The following SERINC2 variants were observed in gnomAD, a reference collection of about 807,000 sequenced individuals.
The protein encoded by SERINC2 is serine incorporator 2.
In SERINC2, 56 loss-of-function variants were observed where a neutral mutation model predicts 54.2. That is an observed-to-expected ratio of 1.03 (90% CI 0.83 to 1.29). SERINC2 has a LOEUF of 1.29. Ranked by LOEUF, SERINC2 falls within the 50% of genes most tolerant of loss-of-function variation. SERINC2 has a pLI of 0.00. For missense variants in SERINC2, 614 were observed against 607.4 expected (o/e 1.01, Z -0.12); for synonymous variants, 272 against 253.1 (o/e 1.07, Z -0.71).
chr1:31,413,350 G>C lies in SERINC2; in HGVS notation c.39+46G>C. On this transcript the variant is annotated intron_variant, in intron 1 of 9. Transcript: ENST00000373709. The surrounding 1 kb of genome is among the most constrained non-coding windows in gnomAD (Gnocchi z 5.0). ...CCGCCCGCGCGCGCCGCCCGTTCCT[G>C]CTGCGGGCCCTCACTTTCTTCTGTT... 9.5e-7 allele frequency: 1 copy of C among 1,053,100 alleles called. No individual in the cohort carries two copies. Among genetic ancestry groups the C allele is most frequent in the Non-Finnish European group, 1.2e-6 (1 of 821,938 alleles). 65.2% of individuals were successfully genotyped at this position (1,053,100 alleles called of 1,614,324 possible).
intron 1 of SERINC2, chr1:31,414,590 C>G: frequency 1.0e-6 from 1 of 985,208 alleles, no homozygotes; most frequent in South Asian, 4.7e-5. Flanking sequence ...CTCATTAGGC[C>G]TCCATTTTTC....
chr1:31,415,933 T>C (rs1640770433), intron 1 of SERINC2: 3 of 984,042 alleles, frequency 3.0e-6, no homozygotes, highest in African/African-American at 1.8e-5. Flanking sequence ...GATGGGGAGG[T>C]AAGATGGGTC....
chr1:31,432,100 G>C (rs1641285023), intron 8 of SERINC2, among the ~76,000 whole-genome samples: 26 of 130,780 alleles, frequency 2.0e-4, no homozygotes, highest in Non-Finnish European at 2.1e-4. Context: ...GGACAGGGTG[G>C]ACAGGGTGGA....
At chr1:31,421,670 C>T (rs1056844200) in intron 1 of SERINC2, among the ~76,000 whole-genome samples, 1 of 152,184 alleles carries the variant, frequency 6.6e-6, no homozygotes, top group Non-Finnish European at 1.5e-5. Context: ...AGCAAGGGGC[C>T]CCTGCCAGCC....
chr1:31,413,329 C>T lies in SERINC2; in HGVS notation c.39+25C>T. ...CGTGAGTCCCGACCCCGGCGCCCGC[C>T]CGCGCGCGCCGCCCGTTCCTGCTGC... On this transcript the variant is annotated intron_variant, in intron 1 of 9. Coordinates refer to ENST00000373709, the MANE Select transcript of SERINC2 (RefSeq NM_178865.5). This position sits in a 1 kb window ranked among gnomAD's most constrained non-coding sequence, Gnocchi z 5.0. The T allele has an allele frequency of 8.2e-7, 1 of 1,212,618 alleles. No homozygotes were observed. Among genetic ancestry groups the T allele is most frequent in the Non-Finnish European group, 1.0e-6 (1 of 963,580 alleles). The allele number at this position is 1,212,618 out of a possible 1,614,324, so 75.1% of individuals were successfully genotyped here. A position where few individuals can be genotyped will look rare whatever the true frequency, so the allele number is the denominator to read the frequency against.
chr1:31,415,195 C>T (rs1472543780), intron 1 of SERINC2, among the ~76,000 whole-genome samples: 1 of 152,224 alleles, frequency 6.6e-6, no homozygotes, highest in African/African-American at 2.4e-5. Flanking sequence ...CTGGTCCAGG[C>T]TTCTGCCCAC....
chr1:31,422,313 A>C lies in SERINC2; in HGVS notation c.40-1380A>C, dbSNP rs543945307. Among the ~76,000 whole-genome samples the C allele has an allele frequency of 1.1e-4, 16 of 143,598 alleles. No individual in the cohort carries two copies. In the East Asian group the frequency reaches 2.3e-3, roughly 20 times the overall value. The allele number at this position is 143,598 out of a possible 152,430, so 94.2% of individuals were successfully genotyped here. The stretch of plus-strand genomic sequence containing the variant: ...GACCCTGTCTCAAAAAAAAAAAAAC[A>C]AAAAAAGAAGAAAAGAAGAAAACCC... On this transcript the variant is annotated intron_variant, in intron 1 of 9. Coordinates refer to ENST00000373709, the MANE Select transcript of SERINC2 (RefSeq NM_178865.5).
chr1:31,432,860 G>A, intron 8 of SERINC2, 107 bp from the exon 9 acceptor site: 1 of 807,630 alleles, frequency 1.2e-6, no homozygotes, highest in South Asian at 1.7e-5. Context: ...TAACTCCCAG[G>A]CCCAGTAACC....
chr1:31,420,739 G>C (rs1640884460), intron 1 of SERINC2, among the ~76,000 whole-genome samples: 1 of 152,128 alleles, frequency 6.6e-6, no homozygotes, highest in Non-Finnish European at 1.5e-5. Flanking sequence ...TTTCCCATTT[G>C]AAAATGGAAA....
At chr1:31,414,673 C>G (rs1156640020) in intron 1 of SERINC2, 1 of 985,294 alleles carries the variant, frequency 1.0e-6, no homozygotes, top group Non-Finnish European at 1.2e-6. Flanking sequence ...CCCTCCCAGC[C>G]CAAAGAATTC....
At position 31,413,344 on chromosome 1, in the gene SERINC2, G is replaced by C; in HGVS notation, c.39+40G>C. The C allele has an allele frequency of 1.8e-6, 2 of 1,121,982 alleles. No individual in the cohort carries two copies. Among genetic ancestry groups the C allele is most frequent in the East Asian group, 3.3e-5 (1 of 30,768 alleles). The allele number at this position is 1,121,982 out of a possible 1,614,324, so 69.5% of individuals were successfully genotyped here. A position where few individuals can be genotyped will look rare whatever the true frequency, so the allele number is the denominator to read the frequency against. On this transcript the variant is annotated intron_variant, in intron 1 of 9. Transcript: ENST00000373709. The surrounding 1 kb of genome is among the most constrained non-coding windows in gnomAD (Gnocchi z 5.0). ...CGGCGCCCGCCCGCGCGCGCCGCCC[G>C]TTCCTGCTGCGGGCCCTCACTTTCT...
rs147315837 is a variant in SERINC2, at chr1:31,425,850, C to T, written c.547C>T (p.His183Tyr). The change falls in exon 5 of 10, where the codon CAC (histidine) becomes TAC (tyrosine). Residue 183 changes from histidine (H) to tyrosine (Y), a missense_variant. Physicochemically the swap from His to Tyr is moderately conservative, Grantham distance 83 (BLOSUM62 2). Transcript: ENST00000373709. Reference protein sequence around the residue: ...IQLVLLIDFAHSWNQRWLGKA... With the variant: ...IQLVLLIDFAYSWNQRWLGKA... ...GCTGGTGCTGCTCATCGACTTTGCG[C>T]ACTCCTGGAACCAGCGGTGGCTGGG... is the stretch of plus-strand genomic sequence containing the variant. The T allele has an allele frequency of 2.1e-4, 342 of 1,613,608 alleles. No individual in the cohort carries two copies. The highest frequency in any genetic ancestry group is 2.5e-4 in the Non-Finnish European group (297 of 1,179,972).
At chr1:31,419,191 T>C (rs376974370) in intron 1 of SERINC2, among the ~76,000 whole-genome samples, 3 of 152,180 alleles carry the variant, frequency 2.0e-5, no homozygotes, top group East Asian at 1.9e-4. Context: ...CACTGCATCA[T>C]GAGCATTATT....
Position 31,413,879 on chromosome 1 carries a change from G to A in SERINC2, c.39+575G>A. 6 of 1,447,702 alleles carry A rather than the reference G, an allele frequency of 4.1e-6. No individual in the cohort carries two copies. Among genetic ancestry groups the A allele is most frequent in the South Asian group, 2.9e-5 (2 of 70,160 alleles). 89.7% of individuals were successfully genotyped at this position (1,447,702 alleles called of 1,614,324 possible). A position where few individuals can be genotyped will look rare whatever the true frequency, so the allele number is the denominator to read the frequency against. On this transcript the variant is annotated intron_variant, in intron 1 of 9. Transcript: ENST00000373709. The surrounding 1 kb of genome is among the most constrained non-coding windows in gnomAD (Gnocchi z 5.0). ...TGTCTTTGTCCGTCTGCTGTCTTCT[G>A]TCCGTCTGCCCGTCCGCCCGTCCGT...
At chr1:31,432,871 G>A (rs756920550) in intron 8 of SERINC2, 96 bp from the exon 9 acceptor site, 467 of 905,366 alleles carry the variant, frequency 5.2e-4, no homozygotes, top group Non-Finnish European at 6.7e-4. Flanking sequence ...CCCAGTAACC[G>A]GGTCGCTGGC....
Position 31,413,448 on chromosome 1 carries a change from C to G in SERINC2, c.39+144C>G, listed in dbSNP as rs1222316350. ...TGGGCCGGTGCCCCGCCTGCTCGCCCTCCTGGACCTTCACTCGGCACCCGG... is the reference window on the plus strand; with the variant it reads ...TGGGCCGGTGCCCCGCCTGCTCGCCGTCCTGGACCTTCACTCGGCACCCGG... On this transcript the variant is annotated intron_variant, in intron 1 of 9. Transcript: ENST00000373709. The surrounding 1 kb of genome is among the most constrained non-coding windows in gnomAD (Gnocchi z 5.0). 2.6e-6 allele frequency: 1 copy of G among 387,746 alleles called. No homozygotes were observed. Among genetic ancestry groups the G allele is most frequent in the East Asian group, 4.8e-5 (1 of 20,838 alleles). The allele number at this position is 387,746 out of a possible 1,614,324, so 24.0% of individuals were successfully genotyped here.
intron 1 of SERINC2, chr1:31,414,250 C>T (rs1553131884): frequency 7.5e-7 from 1 of 1,338,330 alleles, no homozygotes; most frequent in African/African-American, 1.5e-5. Flanking sequence ...GAGGCCCGTT[C>T]TCCCTTCCCT....
At chr1:31,423,542 T>C in intron 1 of SERINC2, 151 bp from the exon 2 acceptor site, 1 of 772,088 alleles carries the variant, frequency 1.3e-6, no homozygotes, top group Non-Finnish European at 2.0e-6. Context: ...CCAGCCTCCC[T>C]CTCGGACCTG....
At chr1:31,419,456 A>G (rs1475416455) in intron 1 of SERINC2, among the ~76,000 whole-genome samples, 4 of 152,348 alleles carry the variant, frequency 2.6e-5, no homozygotes, top group African/African-American at 9.6e-5. Flanking sequence ...AGTGTTACCT[A>G]CATATTTGCC....
Sources: gnomAD v4.1 joint callset for allele counts (sites outside exome capture counted in the v4.1 genomes callset) on GRCh38, gnomAD v4.1.1 for gene constraint, Gnocchi (gnomAD v3.1) non-coding constraint, MANE v1.5 for transcripts, NCBI Gene and HGNC (gene_info 2026-07-23, HGNC 2026-07-21) for gene names.